PRH1: variants seen among roughly 807,000 people sequenced by gnomAD.
The protein encoded by PRH1 is proline rich protein HaeIII subfamily 1.
PRH1 carries 7 observed loss-of-function variants against 7.9 expected under a neutral mutation model. The ratio of observed to expected loss-of-function variants is 0.89; its 90% CI spans 0.50 to 1.67. PRH1 has a LOEUF of 1.67. Among genes scored for constraint, PRH1 ranks in the 40% most tolerant of loss-of-function variants. The pLI is 0.00. For missense variants in PRH1, 109 were observed against 223.6 expected (o/e 0.49, Z 3.27); for synonymous variants, 45 against 80.8 (o/e 0.56, Z 2.38).
intron 1 of PRH1, among the ~76,000 whole-genome samples, chr12:11,158,385 T>G (rs1362764900): frequency 7.0e-6 from 1 of 143,134 alleles, no homozygotes; most frequent in African/African-American, 2.5e-5. Context: ...TACTTAACAT[T>G]TTATAATTTT....
At chr12:11,045,591 GA>G (rs1172458772) in intron 1 of PRH1, among the ~76,000 whole-genome samples, 1 of 152,010 alleles carries the variant, frequency 6.6e-6, no homozygotes, top group Non-Finnish European at 1.5e-5. Context: ...TTTAAAAAAA[GA>G]AATTCCTAAA....
chr12:11,107,051 C>G (rs986114703), intron 1 of PRH1, among the ~76,000 whole-genome samples: 9 of 152,012 alleles, frequency 5.9e-5, no homozygotes, highest in Non-Finnish European at 1.0e-4. Context: ...TACTCGTCAC[C>G]CAGGCTGGAG....
Position 11,065,853 on chromosome 12 carries a change from T to A in PRH1, n.124-18665A>T, listed in dbSNP as rs372738404. On this transcript the variant is annotated intron_variant and non_coding_transcript_variant, in intron 1 of 4. Transcript: ENST00000541977. ...ACTTGGAAGAAACTGGAAATTGATT[T>A]GATGTGAGTAGCTTTTTTTGGATAG... 3.3e-5 allele frequency among the ~76,000 whole-genome samples: 5 copies of A among 152,320 alleles called. No individual in the cohort carries two copies. The East Asian group carries it at 5.8e-4, about 18-fold the overall frequency.
chr12:11,052,264 A>G (rs988576211), intron 1 of PRH1, among the ~76,000 whole-genome samples: 2 of 152,158 alleles, frequency 1.3e-5, no homozygotes, highest in African/African-American at 4.8e-5. Context: ...AGTAATTTTT[A>G]TTATATCTGA....
intron 1 of PRH1, among the ~76,000 whole-genome samples, chr12:11,109,778 C>T (rs921742669): frequency 2.6e-5 from 4 of 152,090 alleles, no homozygotes; most frequent in South Asian, 2.1e-4. Flanking sequence ...CAAAGGATCA[C>T]AACTCCTCAC....
At chr12:11,048,296 C>A (rs183397351), upstream of PRH1, 16 of 220,626 alleles carry the variant, frequency 7.3e-5, no homozygotes, top group Middle Eastern at 3.0e-3. Flanking sequence ...TTGTTTTCAG[C>A]TAAAAGATAC....
upstream of PRH1, among the ~76,000 whole-genome samples, chr12:10,888,816 T>A (rs1476106921): frequency 6.6e-6 from 1 of 152,234 alleles, no homozygotes; most frequent in Non-Finnish European, 1.5e-5. Flanking sequence ...TTTACCAGTT[T>A]TAGTGAAGTA....
chr12:10,953,336 A>G (rs1591721215), intron 2 of PRH1, among the ~76,000 whole-genome samples: 1 of 152,226 alleles, frequency 6.6e-6, no homozygotes, highest in Non-Finnish European at 1.5e-5. Flanking sequence ...GGAGAAAGTC[A>G]AAACACAATC....
intron 1 of PRH1, among the ~76,000 whole-genome samples, chr12:11,112,587 T>C (rs1323063687): frequency 6.6e-6 from 1 of 152,170 alleles, no homozygotes; most frequent in African/African-American, 2.4e-5. Context: ...GAAAAGGCCT[T>C]TGATAAAATT....
chr12:11,019,126 C>T (rs1373988252), intron 1 of PRH1, among the ~76,000 whole-genome samples: 2 of 152,396 alleles, frequency 1.3e-5, no homozygotes, highest in Non-Finnish European at 2.9e-5. Flanking sequence ...CTGCCTCAAA[C>T]AAACTTTGGC....
downstream of PRH1, among the ~76,000 whole-genome samples, chr12:11,118,669 CAA>C (rs746890940): frequency 6.6e-6 from 1 of 152,212 alleles, no homozygotes; most frequent in African/African-American, 2.4e-5. Flanking sequence ...TGGAAGCAAT[CAA>C]AGTGTCCAGC....
chr12:11,168,283 AG>A (rs1565725715), intron 1 of PRH1, among the ~76,000 whole-genome samples: 594 of 32,402 alleles, frequency 0.018, 146 homozygotes, highest in Non-Finnish European at 0.03. Flanking sequence ...AAAGAAAGAA[AG>A]AAAGAAAGAA....
rs1016668039 is a variant in PRH1, at chr12:11,085,058, G to A, written n.124-37870C>T. ...GATGGTCTTGATGTCCTGACCTCGT[G>A]ATCCACCCACCTTGGCCTCCCGAAG... On this transcript the variant is annotated intron_variant and non_coding_transcript_variant, in intron 1 of 4. Transcript: ENST00000541977. Among the ~76,000 whole-genome samples the A allele has an allele frequency of 5.3e-5, 6 of 113,666 alleles. 1 individual carries two copies. Among genetic ancestry groups the A allele is most frequent in the Non-Finnish European group, 1.2e-4 (6 of 48,474 alleles). 74.6% of individuals were successfully genotyped at this position (113,666 alleles called of 152,430 possible).
At chr12:11,137,484 C>T (rs1565693686) in intron 1 of PRH1, among the ~76,000 whole-genome samples, 1 of 152,194 alleles carries the variant, frequency 6.6e-6, no homozygotes, top group Non-Finnish European at 1.5e-5. Context: ...CTCTGTTTGA[C>T]AATCTGGTCC....
intron 1 of PRH1, chr12:10,997,681 A>G (rs1183452869): frequency 1.2e-6 from 2 of 1,613,764 alleles, no homozygotes; most frequent in Admixed American, 1.7e-5. Flanking sequence ...TTGAATACCA[A>G]TGTAATAATA....
At chr12:11,168,773 C>T (rs1322515479) in intron 1 of PRH1, among the ~76,000 whole-genome samples, 3 of 152,184 alleles carry the variant, frequency 2.0e-5, no homozygotes, top group South Asian at 2.1e-4. Flanking sequence ...AGAAAGATTA[C>T]GACTCCAAAA....
chr12:10,908,736 A>G (rs1179426711), intron 2 of PRH1: 6 of 1,613,954 alleles, frequency 3.7e-6, no homozygotes, highest in Non-Finnish European at 5.1e-6. Context: ...AAATGGTGTT[A>G]GACTGAACAT....
intron 1 of PRH1, among the ~76,000 whole-genome samples, chr12:11,161,719 T>C (rs1426295356): frequency 6.6e-6 from 1 of 151,856 alleles, no homozygotes; most frequent in Non-Finnish European, 1.5e-5. Context: ...TAAGTGAGAC[T>C]GAAAAAAAAA....
chr12:10,973,512 C>T (rs4763232), intron 2 of PRH1: 124,066 of 548,020 alleles, frequency 0.23, 14,406 homozygotes, highest in African/African-American at 0.24. Context: ...CACACAATAA[C>T]AATACCCTCC....
Sources: allele counts gnomAD v4.1 joint callset (sites outside exome capture counted in the v4.1 genomes callset), GRCh38; gene constraint gnomAD v4.1.1; transcripts MANE v1.5; gene names NCBI Gene and HGNC (gene_info 2026-07-23, HGNC 2026-07-21).